Variants in CA5A observed in about 807,000 individuals in gnomAD.
CA5A encodes the protein carbonic anhydrase 5A.
In CA5A, 28 loss-of-function variants were observed where a neutral mutation model predicts 37.1. The observed-to-expected ratio is 0.75, with a 90% confidence interval of 0.56 to 1.03. The LOEUF (loss-of-function observed/expected upper bound fraction) is 1.03, where lower values mean the gene tolerates loss of function less well. CA5A is among the 50% of genes least tolerant of loss of function. The pLI is 0.00. For missense variants in CA5A, 444 were observed against 399.9 expected (o/e 1.11, Z -0.94); for synonymous variants, 171 against 158.4 (o/e 1.08, Z -0.60).
At position 87,911,162 on chromosome 16, in the gene CA5A, C is replaced by A. The variant is rs1597566017; in HGVS notation, c.341-6258G>T. Reference sequence around the variant, plus strand: ...GAAAAGGGGTCTTTAAGCTGCCAGCCCCCATCCCCCGGACTCTGCTATCAG... The same window carrying A: ...GAAAAGGGGTCTTTAAGCTGCCAGCACCCATCCCCCGGACTCTGCTATCAG... On this transcript the variant is annotated intron_variant, in intron 2 of 6. Coordinates refer to ENST00000649794, the MANE Select transcript of CA5A (RefSeq NM_001739.2). This position sits in a 1 kb window ranked among gnomAD's most constrained non-coding sequence, Gnocchi z 4.6. 6.6e-6 allele frequency among the ~76,000 whole-genome samples: 1 copy of A among 152,106 alleles called. No individual in the cohort carries two copies. Among genetic ancestry groups the A allele is most frequent in the South Asian group, 2.1e-4 (1 of 4,822 alleles).
At chr16:87,899,864 G>A (rs964011471) in intron 5 of CA5A, among the ~76,000 whole-genome samples, 1 of 139,950 alleles carries the variant, frequency 7.1e-6, no homozygotes, top group Non-Finnish European at 1.5e-5. Context: ...AGGTTGCAGT[G>A]AGCCGAGGTC....
At chr16:87,897,095 T>C (rs930745135) in intron 5 of CA5A, among the ~76,000 whole-genome samples, 2 of 152,246 alleles carry the variant, frequency 1.3e-5, no homozygotes, top group African/African-American at 4.8e-5. Flanking sequence ...CATCAGTGCC[T>C]GCCACGTGGG....
Position 87,920,800 on chromosome 16 carries a change from C to CT in CA5A, c.340+5947dup, listed in dbSNP as rs556751990. On this transcript the variant is annotated intron_variant, in intron 2 of 6. Transcript: ENST00000649794. ...TGCCCAGCTAATTTTTGTATTTTTA[C>CT]TTTTTTTTTTGAGACCAGGTTTCAC... is the stretch of plus-strand genomic sequence containing the variant. Among the ~76,000 whole-genome samples, 886 of 148,250 alleles carry CT rather than the reference C, an allele frequency of 6.0e-3. 6 individuals are homozygous for CT. The highest frequency in any genetic ancestry group is 0.02 in the African/African-American group (789 of 40,446).
intron 1 of CA5A, among the ~76,000 whole-genome samples, chr16:87,932,842 A>G (rs1346501687): frequency 6.6e-6 from 1 of 152,116 alleles, no homozygotes; most frequent in African/African-American, 2.4e-5. Flanking sequence ...CTTGACCTCC[A>G]TGGGAGGAGC....
At chr16:87,901,790 T>G (rs2055881813) in intron 5 of CA5A, 122 bp downstream of exon 5, 1 of 667,638 alleles carries the variant, frequency 1.5e-6, no homozygotes, top group Non-Finnish European at 2.7e-6. Context: ...TTTCTCCATG[T>G]TGGTCAGGCT....
At chr16:87,893,199 C>A (rs987524714) in intron 5 of CA5A, 9 of 431,562 alleles carry the variant, frequency 2.1e-5, no homozygotes, top group Non-Finnish European at 3.3e-5. Context: ...GCGATCTCAG[C>A]TCACTGCAGC....
chr16:87,894,977 C>T (rs1365120562), intron 5 of CA5A, among the ~76,000 whole-genome samples: 2 of 152,172 alleles, frequency 1.3e-5, no homozygotes, highest in Non-Finnish European at 1.5e-5. Context: ...TGGTTGGGCG[C>T]AATGGATCAT....
chr16:87,921,770 C>T (rs2056233908), intron 2 of CA5A, among the ~76,000 whole-genome samples: 1 of 152,230 alleles, frequency 6.6e-6, no homozygotes, highest in Non-Finnish European at 1.5e-5. Context: ...CACCTGGGAG[C>T]CTGCTGGCAT....
intron 4 of CA5A, chr16:87,881,953 C>G (rs113183290): frequency 6.6e-6 from 1 of 152,050 alleles, no homozygotes; most frequent in Non-Finnish European, 1.5e-5. Flanking sequence ...TGTGTTGATA[C>G]GGAAAATGAA....
chr16:87,897,008 C>G (rs950926921), intron 5 of CA5A, among the ~76,000 whole-genome samples: 3 of 152,262 alleles, frequency 2.0e-5, no homozygotes, highest in African/African-American at 7.2e-5. Context: ...CAGCCTAACT[C>G]CGCCCTTGCT....
At chr16:87,912,258 T>C (rs894021485) in intron 2 of CA5A, among the ~76,000 whole-genome samples, 15 of 152,144 alleles carry the variant, frequency 9.9e-5, no homozygotes, top group African/African-American at 3.1e-4. Flanking sequence ...GCCGAGGTCG[T>C]GTCACTGAAC....
At position 87,903,605 on chromosome 16, in the gene CA5A, A is replaced by C. The variant is rs371925744; in HGVS notation, c.460-1085T>G. ...AATATGTGTATGATGATGACAATAG[A>C]TATCACTCCCTATTTATAAAATGTC... On this transcript the variant is annotated intron_variant, in intron 3 of 6. Transcript: ENST00000649794. 7.9e-5 allele frequency among the ~76,000 whole-genome samples: 12 copies of C among 152,348 alleles called. No individual in the cohort carries two copies. The East Asian group carries it at 1.3e-3, about 17-fold the overall frequency.
chr16:87,911,997 T>C lies in CA5A; in HGVS notation c.341-7093A>G, dbSNP rs2056058950. 2.0e-5 allele frequency among the ~76,000 whole-genome samples: 3 copies of C among 152,128 alleles called. No individual in the cohort carries two copies. Among genetic ancestry groups the C allele is most frequent in the African/African-American group, 7.2e-5 (3 of 41,416 alleles). On this transcript the variant is annotated intron_variant, in intron 2 of 6. Coordinates refer to ENST00000649794, the MANE Select transcript of CA5A (RefSeq NM_001739.2). The surrounding 1 kb of genome is among the most constrained non-coding windows in gnomAD (Gnocchi z 4.6). ...ACTATTATTATGACTGGTGTTATTG[T>C]TATTATTAAAATTACTGTCATCGCC...
chr16:87,925,264 C>CT (rs767126655), intron 2 of CA5A, among the ~76,000 whole-genome samples: 1 of 152,164 alleles, frequency 6.6e-6, no homozygotes, highest in East Asian at 1.9e-4. Context: ...CAGAGCTAAG[C>CT]TACATTCAGC....
intron 2 of CA5A, among the ~76,000 whole-genome samples, chr16:87,917,431 C>G (rs554374076): frequency 6.6e-6 from 1 of 152,288 alleles, no homozygotes; most frequent in South Asian, 2.1e-4. Context: ...CTGTTTGGTA[C>G]GTTTTCATTT....
chr16:87,901,165 G>T (rs966676422), intron 5 of CA5A, among the ~76,000 whole-genome samples: 8 of 152,222 alleles, frequency 5.3e-5, no homozygotes, highest in African/African-American at 1.9e-4. Flanking sequence ...GGGAGGCGGA[G>T]GTTGCAGTGA....
chr16:87,913,915 G>A (rs1175287217), intron 2 of CA5A, among the ~76,000 whole-genome samples: 3 of 152,320 alleles, frequency 2.0e-5, no homozygotes, highest in East Asian at 3.9e-4. Flanking sequence ...CTTAAGTGAC[G>A]TCTACCACGA....
chr16:87,931,837 AG>A (rs1303219690), intron 1 of CA5A, among the ~76,000 whole-genome samples: 1 of 152,176 alleles, frequency 6.6e-6, no homozygotes, highest in Non-Finnish European at 1.5e-5. Context: ...TGGACGCGGG[AG>A]CCGGCGGCCA....
rs1209693400 is a variant in CA5A at position 87,911,895 on chromosome 16, G to C, written c.341-6991C>G. Among the ~76,000 whole-genome samples the C allele has an allele frequency of 1.3e-5, 2 of 152,204 alleles. No homozygotes were observed. Among genetic ancestry groups the C allele is most frequent in the African/African-American group, 4.8e-5 (2 of 41,434 alleles). On this transcript the variant is annotated intron_variant, in intron 2 of 6. Coordinates refer to ENST00000649794, the MANE Select transcript of CA5A (RefSeq NM_001739.2). This position sits in a 1 kb window ranked among gnomAD's most constrained non-coding sequence, Gnocchi z 4.6. ...ACTTCAGGGGCCCATGGCAAGGATTGAGTACGGTGATGCTTACAAAGTACC... is the reference window on the plus strand; with the variant it reads ...ACTTCAGGGGCCCATGGCAAGGATTCAGTACGGTGATGCTTACAAAGTACC...
Sources: gnomAD v4.1 joint callset for allele counts (sites outside exome capture counted in the v4.1 genomes callset) on GRCh38, gnomAD v4.1.1 for gene constraint, Gnocchi (gnomAD v3.1) non-coding constraint, MANE v1.5 for transcripts, NCBI Gene and HGNC (gene_info 2026-07-23, HGNC 2026-07-21) for gene names.